Variants in TEX11 observed in about 807,000 individuals in gnomAD.
TEX11 encodes testis expressed 11, also known as testis-expressed protein 11.
TEX11 carries 7 observed loss-of-function variants against 84.4 expected under a neutral mutation model. The ratio of observed to expected loss-of-function variants is 0.08; its 90% confidence interval spans 0.05 to 0.16. TEX11 has a LOEUF of 0.16. TEX11 is among the 10% of genes least tolerant of loss of function. TEX11 has a pLI of 1.00. For missense variants in TEX11, 551 were observed against 660.5 expected, an observed-to-expected ratio of 0.83 and a Z score of 1.82; for synonymous variants, 264 against 222.8, an observed-to-expected ratio of 1.18 and a Z score of -1.64.
At chrX:70,813,366 G>C (rs1016017200) in intron 8 of TEX11, among the ~76,000 whole-genome samples, 4 of 111,788 alleles carry the variant, frequency 3.6e-5, no homozygotes, top group Non-Finnish European at 5.6e-5. Flanking sequence ...TATCTCAATA[G>C]ATGCAGAAAA....
the TEX11 span, among the ~76,000 whole-genome samples, chrX:70,520,805 CCT>C: frequency 2.7e-5 from 3 of 111,910 alleles, no homozygotes; most frequent in Non-Finnish European, 5.6e-5. Flanking sequence ...GTTCGAGCTT[CCT>C]GGCCACTTTG....
intron 25 of TEX11, among the ~76,000 whole-genome samples, chrX:70,563,600 C>T (rs766632042): frequency 9.0e-6 from 1 of 111,512 alleles, no homozygotes; most frequent in Non-Finnish European, 1.9e-5. Flanking sequence ...GTTTCATTCC[C>T]TGACATCAGT....
intron 10 of TEX11, among the ~76,000 whole-genome samples, chrX:70,743,871 AACAC>A (rs60520158): frequency 0.013 from 1,175 of 87,681 alleles, 10 homozygotes; most frequent in African/African-American, 0.032. Flanking sequence ...TCTATCTCAA[AACAC>A]ACACACACAC....
At chrX:70,805,484 T>A (rs1324501061) in intron 9 of TEX11, among the ~76,000 whole-genome samples, 3 of 109,293 alleles carry the variant, frequency 2.7e-5, no homozygotes, top group African/African-American at 1.0e-4. Flanking sequence ...CACTGCAAGC[T>A]GCATCTCCCT....
intron 9 of TEX11, among the ~76,000 whole-genome samples, chrX:70,762,496 C>A (rs752113514): frequency 7.2e-5 from 8 of 110,733 alleles, no homozygotes; most frequent in Non-Finnish European, 1.1e-4. Flanking sequence ...CTGAGCTCCA[C>A]CTTCTGGCAG....
chrX:70,587,300 A>T (rs1162352965), intron 25 of TEX11, among the ~76,000 whole-genome samples: 1 of 112,283 alleles, frequency 8.9e-6, no homozygotes, highest in African/African-American at 3.2e-5. Flanking sequence ...GAGACCTTCA[A>T]GGCAGCTCCT....
rs146125801 is a variant in TEX11 at position 70,667,605 on chromosome X, A to C, written c.1380+2772T>G. Reference sequence around the variant, plus strand: ...TTGAAGGAAGGTTTTTGGATAAAGAAGACTTCAAGGTAATTATAGTGACAG... The same window carrying C: ...TTGAAGGAAGGTTTTTGGATAAAGACGACTTCAAGGTAATTATAGTGACAG... On this transcript the variant is annotated intron_variant, in intron 16 of 29. Coordinates refer to ENST00000374333, the MANE Select transcript of TEX11 (RefSeq NM_031276.3). 4.9e-3 allele frequency among the ~76,000 whole-genome samples: 554 copies of C among 112,198 alleles called. 4 individuals are homozygous for C. The highest frequency in any genetic ancestry group is 0.017 in the African/African-American group (527 of 30,882).
chrX:70,869,856 G>A (rs2091620980), intron 4 of TEX11, among the ~76,000 whole-genome samples: 2 of 111,550 alleles, frequency 1.8e-5, no homozygotes, highest in African/African-American at 3.3e-5. Flanking sequence ...AACTTTGTCT[G>A]CTCCAATCCT....
intron 9 of TEX11, among the ~76,000 whole-genome samples, chrX:70,750,864 A>G (rs1200069162): frequency 1.1e-5 from 1 of 88,462 alleles, no homozygotes; most frequent in East Asian, 3.9e-4. Context: ...TGGCACATGT[A>G]TACATATGTA....
chrX:70,767,226 G>C (rs1222963585), intron 9 of TEX11, among the ~76,000 whole-genome samples: 1 of 111,365 alleles, frequency 9.0e-6, no homozygotes, highest in Non-Finnish European at 1.9e-5. Context: ...TCTAATAAGG[G>C]GTTAATGAGC....
chrX:70,722,443 T>A (rs1175857638), intron 13 of TEX11, among the ~76,000 whole-genome samples, 175 bp downstream of exon 13: 1 of 110,238 alleles, frequency 9.1e-6, no homozygotes, highest in African/African-American at 3.3e-5. Flanking sequence ...GCCAATTTTT[T>A]AAAAAATATT....
At chrX:70,755,783 G>C (rs973406066) in intron 9 of TEX11, among the ~76,000 whole-genome samples, 12 of 112,396 alleles carry the variant, frequency 1.1e-4, no homozygotes, top group African/African-American at 2.9e-4. Context: ...ACCAAAGCAG[G>C]GCAGTGCATC....
At chrX:70,671,188 G>T (rs189251444) in intron 15 of TEX11, among the ~76,000 whole-genome samples, 34 of 111,294 alleles carry the variant, frequency 3.1e-4, no homozygotes, top group Admixed American at 8.6e-4. Flanking sequence ...ATTTTCAATG[G>T]TAAGAAGCTA....
intron 17 of TEX11, among the ~76,000 whole-genome samples, chrX:70,637,365 G>A (rs574926983): frequency 4.4e-5 from 5 of 112,603 alleles, no homozygotes; most frequent in Admixed American, 1.9e-4. Flanking sequence ...GTGATTTCTC[G>A]AAGACCTACA....
At chrX:70,838,526 G>A (rs1193715327) in intron 7 of TEX11, among the ~76,000 whole-genome samples, 1 of 112,445 alleles carries the variant, frequency 8.9e-6, no homozygotes. Context: ...GGCCGAATAG[G>A]AACAGCTCCA....
At chrX:70,739,213 C>T (rs973423756) in intron 11 of TEX11, among the ~76,000 whole-genome samples, 2 of 110,412 alleles carry the variant, frequency 1.8e-5, no homozygotes, top group African/African-American at 6.6e-5. Context: ...TAACCCCATC[C>T]ACATAACATA....
At chrX:70,578,944 G>A (rs950348671) in intron 25 of TEX11, among the ~76,000 whole-genome samples, 4 of 106,614 alleles carry the variant, frequency 3.8e-5, no homozygotes, top group African/African-American at 1.4e-4. Context: ...CTAATTTTTC[G>A]TATTTTTAGT....
chrX:70,826,581 A>G (rs763258021), intron 8 of TEX11, among the ~76,000 whole-genome samples: 2 of 112,024 alleles, frequency 1.8e-5, no homozygotes, highest in South Asian at 3.7e-4. Context: ...CAGTGCAGAG[A>G]GAGAATCTGT....
intron 20 of TEX11, among the ~76,000 whole-genome samples, chrX:70,619,213 C>T (rs2089353877): frequency 8.9e-6 from 1 of 111,866 alleles, no homozygotes; most frequent in Non-Finnish European, 1.9e-5. Context: ...GGGCAGATTC[C>T]TAAGCAAGAA....
Sources: gnomAD v4.1 joint callset for allele counts (sites outside exome capture counted in the v4.1 genomes callset) on GRCh38, gnomAD v4.1.1 for gene constraint, MANE v1.5 for transcripts, NCBI Gene and HGNC (gene_info 2026-07-23, HGNC 2026-07-21) for gene names.